Variants in HIP1 observed in about 807,000 individuals in gnomAD.
HIP1 encodes huntingtin-interacting protein 1.
Under a neutral mutation model 147.6 loss-of-function variants are expected in HIP1, and 65 were observed. That is an observed-to-expected ratio of 0.44 (90% confidence interval 0.36 to 0.54). The LOEUF is 0.54. HIP1 is among the 20% of genes least tolerant of loss of function. The probability of loss-of-function intolerance (pLI) is 0.00; values close to 1 mark genes in which losing one functional copy is unlikely to be tolerated. For synonymous variants in HIP1, 479 were observed against 504.0 expected, an observed-to-expected ratio of 0.95 and a Z score of 0.67; for missense variants, 1,061 against 1,299.6, an observed-to-expected ratio of 0.82 and a Z score of 2.82.
At chr7:75,541,683 G>A (rs1328931488) in intron 29 of HIP1, among the ~76,000 whole-genome samples, 4 of 149,562 alleles carry the variant, frequency 2.7e-5, no homozygotes, top group South Asian at 2.1e-4. Context: ...GCGACAGGAC[G>A]AGACTCCGTC....
At chr7:75,652,420 G>A (rs1554512132) in intron 1 of HIP1, among the ~76,000 whole-genome samples, 1 of 152,050 alleles carries the variant, frequency 6.6e-6, no homozygotes, top group Non-Finnish European at 1.5e-5. Flanking sequence ...CTGGAGTGCA[G>A]TGGTGCGATT....
intron 1 of HIP1, among the ~76,000 whole-genome samples, chr7:75,664,006 GTATATATATACACATATATGTGTA>G (rs781983415): frequency 0.026 from 476 of 18,172 alleles, 37 homozygotes; most frequent in South Asian, 0.035. Flanking sequence ...ACATATATGT[GTATATATATACACATATATGTGTA>G]TATATATACA....
chr7:75,612,676 G>T (rs1005950984), intron 1 of HIP1, among the ~76,000 whole-genome samples: 2 of 151,524 alleles, frequency 1.3e-5, no homozygotes, highest in African/African-American at 4.9e-5. Flanking sequence ...AGGCCTGGTG[G>T]TGGGCGCCTG....
At chr7:75,624,394 TTCTG>T (rs1318013134) in intron 1 of HIP1, among the ~76,000 whole-genome samples, 1 of 152,190 alleles carries the variant, frequency 6.6e-6, no homozygotes, top group Non-Finnish European at 1.5e-5. Context: ...CTTCTACTTC[TTCTG>T]TCTTTGGGGT....
At chr7:75,605,213 C>T (rs1554503655) in intron 1 of HIP1, among the ~76,000 whole-genome samples, 1 of 152,184 alleles carries the variant, frequency 6.6e-6, no homozygotes, top group African/African-American at 2.4e-5. Context: ...CCTGAACCAG[C>T]ACCCGCTCTG....
At chr7:75,704,507 G>A (rs1039606823) in intron 1 of HIP1, among the ~76,000 whole-genome samples, 17 of 152,078 alleles carry the variant, frequency 1.1e-4, no homozygotes, top group African/African-American at 4.1e-4. Flanking sequence ...GCCTCCCAAA[G>A]TGCTGGGATT....
In HIP1 at chr7:75,686,299, C is replaced by A. The variant is rs185613239; in HGVS notation, c.120+52502G>T. ...TTTTGGTGTCTTAAGAATTTTTTTC[C>A]CTATTGAAACTAAGATCATAAAGAT... On this transcript the variant is annotated intron_variant, in intron 1 of 30. Coordinates refer to ENST00000336926, the MANE Select transcript of HIP1 (RefSeq NM_005338.7). Among the ~76,000 whole-genome samples the A allele has an allele frequency of 4.7e-4, 72 of 152,142 alleles. No homozygotes were observed. In the East Asian group the frequency reaches 0.013, roughly 28 times the overall value.
At chr7:75,694,427 C>A (rs1800564607) in intron 1 of HIP1, among the ~76,000 whole-genome samples, 1 of 151,748 alleles carries the variant, frequency 6.6e-6, no homozygotes, top group Non-Finnish European at 1.5e-5. Flanking sequence ...TCTGTTTTCT[C>A]TTTTTGCCAC....
At chr7:75,594,571 C>T (rs2116981403) in intron 2 of HIP1, among the ~76,000 whole-genome samples, 1 of 152,000 alleles carries the variant, frequency 6.6e-6, no homozygotes, top group Non-Finnish European at 1.5e-5. Flanking sequence ...GTCAGGAGAT[C>T]AAGACCAGCC....
At chr7:75,572,054 T>A (rs587731650) in intron 8 of HIP1, among the ~76,000 whole-genome samples, 94 of 151,952 alleles carry the variant, frequency 6.2e-4, no homozygotes, top group African/African-American at 2.0e-3. Context: ...TACTAAAAAT[T>A]CAAACAACAA....
Position 75,664,006 on chromosome 7 carries a change from GTATATATATACACATATATGTGTATA to G in HIP1, c.121-64785_121-64760del, listed in dbSNP as rs781983415. Among the ~76,000 whole-genome samples the G allele has an allele frequency of 3.4e-3, 61 of 18,204 alleles. 20 individuals are homozygous for G. The highest frequency in any genetic ancestry group is 8.7e-3 in the African/African-American group (13 of 1,490). The allele number at this position is 18,204 out of a possible 152,430, so 11.9% of individuals were successfully genotyped here. On this transcript the variant is annotated intron_variant, in intron 1 of 30. Transcript: ENST00000336926. ...TGTGTATATATATACACATATATGTGTATATATATACACATATATGTGTATATATATACACATATATGTGTATATAC... is the reference window on the plus strand; with the variant it reads ...TGTGTATATATATACACATATATGTGTATATACACATATATGTGTATATAC...
intron 1 of HIP1, among the ~76,000 whole-genome samples, chr7:75,611,230 G>A (rs1797422218): frequency 6.6e-6 from 1 of 151,914 alleles, no homozygotes; most frequent in African/African-American, 2.4e-5. Context: ...ACTTTGGGAG[G>A]CTGAGATGGG....
At chr7:75,622,868 TCTATCTATCTATCTATCTATCTA>T (rs1797894922) in intron 1 of HIP1, among the ~76,000 whole-genome samples, 4 of 113,420 alleles carry the variant, frequency 3.5e-5, no homozygotes, top group African/African-American at 2.0e-4. Flanking sequence ...TATCTATCTA[TCTATCTATCTATCTATCTATCTA>T]TCTATATATT....
At chr7:75,584,705 C>T (rs587605105) in intron 5 of HIP1, among the ~76,000 whole-genome samples, 4 of 152,196 alleles carry the variant, frequency 2.6e-5, no homozygotes, top group South Asian at 2.1e-4. Flanking sequence ...CTATCAGCCC[C>T]GCAGCCCCAC....
At chr7:75,710,004 T>A (rs1801122812) in intron 1 of HIP1, among the ~76,000 whole-genome samples, 1 of 152,196 alleles carries the variant, frequency 6.6e-6, no homozygotes, top group Admixed American at 6.6e-5. Context: ...CCCAAGTAGC[T>A]GGAACTACAG....
chr7:75,645,564 T>C (rs1177109466), intron 1 of HIP1, among the ~76,000 whole-genome samples: 1 of 152,090 alleles, frequency 6.6e-6, no homozygotes, highest in African/African-American at 2.4e-5. Context: ...AGAACTACCA[T>C]TTGACCTGGC....
chr7:75,688,774 C>A (rs1279793751), intron 1 of HIP1, among the ~76,000 whole-genome samples: 1 of 152,156 alleles, frequency 6.6e-6, no homozygotes, highest in Non-Finnish European at 1.5e-5. Context: ...CAGAGCCTCC[C>A]CAGGAACCAG....
Position 75,537,816 on chromosome 7 carries a change from G to A in HIP1, c.*356C>T, listed in dbSNP as rs1289333579. 5 of 317,438 alleles carry A rather than the reference G, an allele frequency of 1.6e-5. No homozygotes were observed. Among genetic ancestry groups the A allele is most frequent in the Non-Finnish European group, 2.4e-5 (4 of 170,116 alleles). 19.7% of individuals were successfully genotyped at this position (317,438 alleles called of 1,614,324 possible). A position where few individuals can be genotyped will look rare whatever the true frequency, so the allele number is the denominator to read the frequency against. ...AACAACAAGCAGCTCCTCTATTAAG[G>A]ATACCCATTGTTGTGGGGGTCAAAT... On this transcript the variant is annotated 3_prime_UTR_variant, in exon 31 of 31. Coordinates refer to ENST00000336926, the MANE Select transcript of HIP1 (RefSeq NM_005338.7).
chr7:75,658,216 T>C (rs569819350), intron 1 of HIP1, among the ~76,000 whole-genome samples: 2 of 152,172 alleles, frequency 1.3e-5, no homozygotes, highest in African/African-American at 4.8e-5. Flanking sequence ...GCCTCCCCAG[T>C]AGCTGGGATT....
Sources: allele counts gnomAD v4.1 joint callset (sites outside exome capture counted in the v4.1 genomes callset), GRCh38; gene constraint gnomAD v4.1.1; transcripts MANE v1.5; gene names NCBI Gene and HGNC (gene_info 2026-07-23, HGNC 2026-07-21).